The following OTUD7A variants were observed in gnomAD, a reference collection of about 807,000 sequenced individuals.
The protein encoded by OTUD7A is OTU deubiquitinase 7A.
A neutral mutation model predicts 65.7 loss-of-function variants in OTUD7A; 12 were observed. That is an observed-to-expected ratio of 0.18 (90% CI 0.12 to 0.30). The LOEUF is 0.30. Among genes scored for constraint, OTUD7A ranks in the 10% least tolerant of loss-of-function variants. The pLI, the probability that OTUD7A is intolerant of heterozygous loss-of-function variation, is 1.00. For missense variants in OTUD7A, 1,148 were observed against 1,304.8 expected (o/e 0.88, Z 1.85); for synonymous variants, 641 against 586.3 (o/e 1.09, Z -1.35).
intron 3 of OTUD7A, among the ~76,000 whole-genome samples, chr15:31,618,428 T>A (rs1265862608): frequency 6.6e-6 from 1 of 152,206 alleles, no homozygotes; most frequent in Non-Finnish European, 1.5e-5. Flanking sequence ...CTCCACATCC[T>A]CTCCAGCATC....
intron 1 of OTUD7A, chr15:31,766,132 G>A: frequency 1.4e-6 from 2 of 1,449,836 alleles, no homozygotes; most frequent in Non-Finnish European, 1.9e-6. Flanking sequence ...GAGGGTACTT[G>A]AAGAATTTCC....
At chr15:31,626,726 C>T (rs1335084315) in intron 3 of OTUD7A, among the ~76,000 whole-genome samples, 1 of 151,960 alleles carries the variant, frequency 6.6e-6, no homozygotes, top group African/African-American at 2.4e-5. Context: ...CAGGTGTGTG[C>T]CACCATACCT....
chr15:31,606,226 T>G lies in OTUD7A; in HGVS notation c.152-36029A>C, dbSNP rs76012829. ...TAGATATGCAGGGTTGTTGTGAAAC[T>G]TTGTTTAACTATTTTACCATCTTCA... is the stretch of plus-strand genomic sequence containing the variant. On this transcript the variant is annotated intron_variant, in intron 3 of 12. Transcript: ENST00000307050. Among the ~76,000 whole-genome samples the G allele has an allele frequency of 3.2e-4, 49 of 152,302 alleles. 1 individual carries two copies. The highest frequency in any genetic ancestry group is 1.2e-3 in the African/African-American group (49 of 41,564).
chr15:31,736,690 C>A (rs1053896235), intron 1 of OTUD7A, among the ~76,000 whole-genome samples: 1 of 151,998 alleles, frequency 6.6e-6, no homozygotes, highest in African/African-American at 2.4e-5. Context: ...ATCCTCCCAC[C>A]CTCAACACAA....
At chr15:31,579,750 T>C (rs1889315703) in intron 3 of OTUD7A, among the ~76,000 whole-genome samples, 1 of 152,210 alleles carries the variant, frequency 6.6e-6, no homozygotes, top group Non-Finnish European at 1.5e-5. Context: ...ACACATACAA[T>C]AGCTCCCCTA....
At chr15:31,652,346 T>C (rs1419881552) in intron 3 of OTUD7A, among the ~76,000 whole-genome samples, 3 of 152,216 alleles carry the variant, frequency 2.0e-5, no homozygotes, top group Non-Finnish European at 4.4e-5. Context: ...TCATCTCAAA[T>C]GGATCATAGA....
chr15:31,647,820 GTCGGGGAGTTCATGATCCA>G (rs960533958), intron 3 of OTUD7A, among the ~76,000 whole-genome samples: 2 of 151,990 alleles, frequency 1.3e-5, no homozygotes, highest in African/African-American at 4.8e-5. Flanking sequence ...GGTCCTTGCT[GTCGGGGAGTTCATGATCCA>G]TCGTGGAGGG....
intron 1 of OTUD7A, among the ~76,000 whole-genome samples, chr15:31,667,757 A>G (rs1247295584): frequency 6.6e-6 from 1 of 152,066 alleles, no homozygotes; most frequent in Non-Finnish European, 1.5e-5. Context: ...CGTGTGATTT[A>G]TGCTTTACAA....
At chr15:31,625,737 G>T (rs1402167809) in intron 3 of OTUD7A, among the ~76,000 whole-genome samples, 1 of 152,050 alleles carries the variant, frequency 6.6e-6, no homozygotes, top group Non-Finnish European at 1.5e-5. Context: ...ACTGATAGTA[G>T]CCAAAGCCAG....
intron 3 of OTUD7A, among the ~76,000 whole-genome samples, chr15:31,591,268 C>T (rs1471657931): frequency 4.6e-5 from 7 of 152,056 alleles, no homozygotes; most frequent in Admixed American, 4.6e-4. Context: ...CATGCACAAG[C>T]TTAACTGGGA....
chr15:31,587,371 C>T (rs990948845), intron 3 of OTUD7A, among the ~76,000 whole-genome samples: 31 of 152,106 alleles, frequency 2.0e-4, no homozygotes, highest in African/African-American at 7.2e-4. Context: ...GGCGCGGTGG[C>T]TCACGCCTGT....
chr15:31,618,067 T>C (rs1161454980), intron 3 of OTUD7A, among the ~76,000 whole-genome samples: 1 of 152,206 alleles, frequency 6.6e-6, no homozygotes, highest in Non-Finnish European at 1.5e-5. Flanking sequence ...CTGAGAATGA[T>C]GGTTTCCAGT....
intron 3 of OTUD7A, among the ~76,000 whole-genome samples, chr15:31,630,878 A>C (rs1891125328): frequency 6.6e-6 from 1 of 152,256 alleles, no homozygotes; most frequent in Admixed American, 6.5e-5. Flanking sequence ...TGCTGGTTTA[A>C]AGTCTGTTTT....
chr15:31,561,366 G>A (rs984427991), intron 4 of OTUD7A, among the ~76,000 whole-genome samples: 1 of 152,170 alleles, frequency 6.6e-6, no homozygotes, highest in African/African-American at 2.4e-5. Context: ...TTTTGTATCT[G>A]GGAAAGAAGG....
At chr15:31,593,228 G>C (rs1456342134) in intron 3 of OTUD7A, among the ~76,000 whole-genome samples, 2 of 151,826 alleles carry the variant, frequency 1.3e-5, no homozygotes, top group East Asian at 3.9e-4. Context: ...ATATGCAGTC[G>C]ATCATTGACT....
intron 1 of OTUD7A, among the ~76,000 whole-genome samples, chr15:31,811,034 C>G (rs939939576): frequency 6.6e-6 from 1 of 152,182 alleles, no homozygotes; most frequent in Admixed American, 6.5e-5. Context: ...AAGCAGGGTC[C>G]AGGATCTCCT....
intron 1 of OTUD7A, among the ~76,000 whole-genome samples, chr15:31,702,832 A>G (rs1266142338): frequency 6.6e-6 from 1 of 151,312 alleles, no homozygotes; most frequent in Admixed American, 6.6e-5. Context: ...AGAAGAATCA[A>G]TCTAGCCAAT....
At chr15:31,574,688 G>A (rs8039479) in intron 3 of OTUD7A, among the ~76,000 whole-genome samples, 4,557 of 152,190 alleles carry the variant, frequency 0.03, 216 homozygotes, top group African/African-American at 0.1. Context: ...ATTTTATGAC[G>A]CTTTGACATC....
At chr15:31,640,835 CATATGTGTGT>C (rs757648570) in intron 3 of OTUD7A, among the ~76,000 whole-genome samples, 80 of 152,146 alleles carry the variant, frequency 5.3e-4, no homozygotes, top group Middle Eastern at 3.4e-3. Context: ...CCCCTTTGTG[CATATGTGTGT>C]GTATGTGTGT....
Sources: allele counts gnomAD v4.1 joint callset (sites outside exome capture counted in the v4.1 genomes callset), GRCh38; gene constraint gnomAD v4.1.1; transcripts MANE v1.5; gene names NCBI Gene and HGNC (gene_info 2026-07-23, HGNC 2026-07-21).